TENM2: variants seen among roughly 807,000 people sequenced by gnomAD.
TENM2 encodes the protein teneurin-2.
TENM2 carries 52 observed loss-of-function variants against 245.2 expected under a neutral mutation model. The observed-to-expected ratio is 0.21, with a 90% CI of 0.17 to 0.27. The LOEUF (loss-of-function observed/expected upper bound fraction) is 0.27, where lower values mean the gene tolerates loss of function less well. Among genes scored for constraint, TENM2 ranks in the 10% least tolerant of loss-of-function variants. TENM2 has a pLI of 1.00. For synonymous variants in TENM2, 1,363 were observed against 1,438.9 expected (o/e 0.95, Z 1.19); for missense variants, 3,046 against 3,666.8 (o/e 0.83, Z 4.37).
chr5:167,308,132 T>C (rs1380481871), intron 1 of TENM2: 1 of 152,358 alleles, frequency 6.6e-6, no homozygotes, highest in Non-Finnish European at 1.5e-5. Context: ...TCTCCACCTC[T>C]TGCCTCCTTC....
At chr5:167,640,856 TATCC>T (rs1175240749) in intron 2 of TENM2, among the ~76,000 whole-genome samples, 8 of 54,930 alleles carry the variant, frequency 1.5e-4, no homozygotes, top group African/African-American at 3.7e-4. Flanking sequence ...TATATATATA[TATCC>T]ATATATATAT....
intron 2 of TENM2, among the ~76,000 whole-genome samples, chr5:167,415,282 A>AAC (rs397744795): frequency 6.6e-6 from 1 of 150,442 alleles, no homozygotes; most frequent in African/African-American, 2.4e-5. Flanking sequence ...ATGAAAAAAA[A>AAC]CTACTACAGC....
chr5:167,653,764 G>T (rs1754642034), intron 2 of TENM2: 1 of 152,210 alleles, frequency 6.6e-6, no homozygotes, highest in South Asian at 2.1e-4. Flanking sequence ...TGGCCATAGG[G>T]ATTGGTTCTG....
At chr5:167,041,331 C>A in the TENM2 span, among the ~76,000 whole-genome samples, 5 of 152,168 alleles carry the variant, frequency 3.3e-5, no homozygotes, top group African/African-American at 1.2e-4. Flanking sequence ...ACGCAACCAG[C>A]ACTAACTAAA....
chr5:167,466,618 A>C (rs1766669136), intron 2 of TENM2, among the ~76,000 whole-genome samples: 1 of 152,256 alleles, frequency 6.6e-6, no homozygotes, highest in South Asian at 2.1e-4. Context: ...ATAGTTAAAA[A>C]TACTTAAAAT....
intron 3 of TENM2, among the ~76,000 whole-genome samples, chr5:167,922,602 T>C (rs746103085): frequency 2.0e-5 from 3 of 152,222 alleles, no homozygotes; most frequent in Non-Finnish European, 4.4e-5. Context: ...TTTGTCTTCA[T>C]ACATATCCCT....
intron 3 of TENM2, among the ~76,000 whole-genome samples, chr5:167,951,320 C>T (rs1183464856): frequency 6.6e-6 from 1 of 152,190 alleles, no homozygotes; most frequent in Non-Finnish European, 1.5e-5. Context: ...TGACAAGGCT[C>T]AGCAGTCACC....
intron 2 of TENM2, among the ~76,000 whole-genome samples, chr5:167,572,351 T>A (rs1038857992): frequency 6.6e-6 from 1 of 152,186 alleles, no homozygotes; most frequent in Non-Finnish European, 1.5e-5. Context: ...GGATATGTTG[T>A]TGGGACATAA....
chr5:167,105,210 C>G, the TENM2 span, among the ~76,000 whole-genome samples: 1 of 152,128 alleles, frequency 6.6e-6, no homozygotes, highest in Non-Finnish European at 1.5e-5. Flanking sequence ...TAATTTTTGA[C>G]TTAAGAGGCT....
intron 28 of TENM2, 90 bp from the exon 31 acceptor site, chr5:168,261,959 G>A (rs764860410): frequency 7.7e-7 from 1 of 1,298,190 alleles, no homozygotes; most frequent in Non-Finnish European, 1.1e-6. Context: ...AGTTCTTGCA[G>A]GAGAGTTCCA....
intron 2 of TENM2, among the ~76,000 whole-genome samples, chr5:167,765,095 A>C (rs891322098): frequency 9.9e-5 from 15 of 152,260 alleles, no homozygotes; most frequent in Middle Eastern, 6.8e-3. Context: ...CTCCTCCCAG[A>C]AAGTTATTCA....
At chr5:167,436,357 G>T (rs1283549648) in intron 2 of TENM2, among the ~76,000 whole-genome samples, 1 of 152,100 alleles carries the variant, frequency 6.6e-6, no homozygotes, top group African/African-American at 2.4e-5. Flanking sequence ...AAAATTCTGG[G>T]ATTACAGGTG....
intron 2 of TENM2, among the ~76,000 whole-genome samples, chr5:167,435,375 A>C (rs1480809158): frequency 1.3e-5 from 2 of 152,130 alleles, no homozygotes; most frequent in African/African-American, 4.8e-5. Flanking sequence ...GTCTCACAAG[A>C]TCTGATGGTT....
chr5:167,219,125 T>G, the TENM2 span, among the ~76,000 whole-genome samples: 515 of 152,236 alleles, frequency 3.4e-3, 4 homozygotes, highest in African/African-American at 0.012. Context: ...ATTTCTCAAG[T>G]CCTCAGCCAA....
intron 2 of TENM2, among the ~76,000 whole-genome samples, chr5:167,700,638 C>T (rs1758076079): frequency 6.6e-6 from 1 of 152,288 alleles, no homozygotes. Flanking sequence ...TAAACATCCT[C>T]TCTCAGGGTA....
the TENM2 span, among the ~76,000 whole-genome samples, chr5:167,206,292 A>G: frequency 2.0e-5 from 3 of 152,222 alleles, no homozygotes; most frequent in East Asian, 3.9e-4. Context: ...GTTTCTTTGT[A>G]TCATGATACC....
At chr5:167,382,551 GA>G (rs1262922476) in intron 2 of TENM2, among the ~76,000 whole-genome samples, 1 of 152,158 alleles carries the variant, frequency 6.6e-6, no homozygotes, top group African/African-American at 2.4e-5. Context: ...TATTTGTGAA[GA>G]AGAAAAGATA....
chr5:167,288,053 G>A (rs955581681), intron 1 of TENM2, among the ~76,000 whole-genome samples: 1 of 152,074 alleles, frequency 6.6e-6, no homozygotes, highest in African/African-American at 2.4e-5. Context: ...GTTTGTACAA[G>A]CTTGTCTTTT....
chr5:167,937,953 A>G (rs941686062), intron 3 of TENM2: 1 of 152,294 alleles, frequency 6.6e-6, no homozygotes, highest in African/African-American at 2.4e-5. Flanking sequence ...ACGTGTCTCC[A>G]CTGCTCTCCA....
Sources: allele counts gnomAD v4.1 joint callset (sites outside exome capture counted in the v4.1 genomes callset), GRCh38; gene constraint gnomAD v4.1.1; transcripts MANE v1.5; gene names NCBI Gene and HGNC (gene_info 2026-07-23, HGNC 2026-07-21).